FOCAD: variants seen among roughly 807,000 people sequenced by gnomAD.
The protein encoded by FOCAD is KIAA1797.
Under a neutral mutation model 225.6 loss-of-function variants are expected in FOCAD, and 198 were observed. The observed-to-expected ratio is 0.88, with a 90% CI of 0.78 to 0.99. FOCAD has a LOEUF of 0.99. Ranked by LOEUF, FOCAD falls within the 50% of genes least tolerant of loss-of-function variation. FOCAD has a pLI of 0.00. For missense variants in FOCAD, 2,713 were observed against 2,123.6 expected (o/e 1.28, Z -5.46); for synonymous variants, 897 against 755.0 (o/e 1.19, Z -3.08).
intron 5 of FOCAD, among the ~76,000 whole-genome samples, chr9:20,753,065 T>A (rs868524580): frequency 1.1e-4 from 17 of 151,958 alleles, no homozygotes; most frequent in South Asian, 2.1e-4. Context: ...TTGGGCTGAG[T>A]CAATGGGGTT....
chr9:20,922,648 C>G (rs758433679), intron 24 of FOCAD, among the ~76,000 whole-genome samples: 6 of 152,134 alleles, frequency 3.9e-5, no homozygotes, highest in Non-Finnish European at 8.8e-5. Context: ...ATAGTCCTGC[C>G]CTGAGGTAAG....
At chr9:20,946,031 C>T (rs960612938) in intron 29 of FOCAD, among the ~76,000 whole-genome samples, 1 of 152,094 alleles carries the variant, frequency 6.6e-6, no homozygotes, top group East Asian at 1.9e-4. Context: ...GGGACATATT[C>T]CCAAATCTTG....
At chr9:20,696,664 G>T (rs1037646821) in intron 1 of FOCAD, among the ~76,000 whole-genome samples, 11 of 152,158 alleles carry the variant, frequency 7.2e-5, no homozygotes, top group Non-Finnish European at 1.0e-4. Flanking sequence ...AATTAGCTGG[G>T]CATGGTGGCG....
chr9:20,946,716 C>G lies in FOCAD; in HGVS notation c.3571C>G (p.Leu1191Val). 1 of 1,613,244 alleles carries G rather than the reference C, an allele frequency of 6.2e-7. No individual in the cohort carries two copies. The highest frequency in any genetic ancestry group is 8.5e-7 in the Non-Finnish European group (1 of 1,179,490). The change falls in exon 30 of 44, where the codon CTT (leucine) becomes GTT (valine). Residue 1191 changes from leucine (L) to valine (V), a missense_variant. By Grantham distance (32) the Leu-to-Val change is conservative. Transcript: ENST00000338382. ...TTCTTCTCAGGTCCTTGCCTACACA[C>G]TTAGCTGTGTATGTACATCAGCGTT... ...RTFQEVLAYT[L>V]SCVCTSAFSA...
chr9:20,942,908 T>A (rs1057416393), intron 28 of FOCAD, among the ~76,000 whole-genome samples: 1 of 152,224 alleles, frequency 6.6e-6, no homozygotes, highest in Non-Finnish European at 1.5e-5. Context: ...GGGCGAGAGA[T>A]GATGTCTCTG....
chr9:20,729,611 A>G (rs914466946), intron 4 of FOCAD, among the ~76,000 whole-genome samples: 6 of 152,310 alleles, frequency 3.9e-5, no homozygotes, highest in Admixed American at 3.3e-4. Flanking sequence ...TATGTGTGCT[A>G]GGATCACTTA....
At chr9:20,782,658 T>A (rs1819498704) in intron 10 of FOCAD, among the ~76,000 whole-genome samples, 1 of 152,238 alleles carries the variant, frequency 6.6e-6, no homozygotes, top group Non-Finnish European at 1.5e-5. Context: ...CAGCTCCTCT[T>A]ATGGGGATGA....
chr9:20,912,986 G>A, intron 23 of FOCAD, 32 bp downstream of exon 23: 2 of 1,554,068 alleles, frequency 1.3e-6, no homozygotes, highest in Non-Finnish European at 1.8e-6. Context: ...CCCATTATTT[G>A]TCATGGGAAG....
intron 2 of FOCAD, among the ~76,000 whole-genome samples, chr9:20,677,807 T>C (rs1822279836): frequency 6.6e-6 from 1 of 152,164 alleles, no homozygotes; most frequent in Non-Finnish European, 1.5e-5. Flanking sequence ...TAGAACTATA[T>C]CTGATACTGC....
chr9:20,947,781 G>A (rs1266943764), intron 30 of FOCAD, among the ~76,000 whole-genome samples: 1 of 152,078 alleles, frequency 6.6e-6, no homozygotes, highest in Non-Finnish European at 1.5e-5. Context: ...GGTTATTGCA[G>A]AATTCATTGG....
intron 36 of FOCAD, 144 bp downstream of exon 36, chr9:20,976,692 T>TGAAAG: frequency 1.1e-6 from 1 of 882,868 alleles, no homozygotes; most frequent in Non-Finnish European, 1.8e-6. Flanking sequence ...AATGGCTGGG[T>TGAAAG]TACTTTCACT....
chr9:20,736,788 C>T (rs535352703), intron 4 of FOCAD, among the ~76,000 whole-genome samples: 63 of 152,086 alleles, frequency 4.1e-4, no homozygotes, highest in Non-Finnish European at 7.2e-4. Flanking sequence ...ATTATGAAGA[C>T]GAGGATGTTG....
intron 22 of FOCAD, among the ~76,000 whole-genome samples, chr9:20,911,665 GC>G (rs1399260110): frequency 4.6e-5 from 7 of 152,074 alleles, no homozygotes; most frequent in Non-Finnish European, 1.0e-4. Context: ...ATATTTGTTG[GC>G]CACTTTTTAC....
At position 20,720,471 on chromosome 9, in the gene FOCAD, C is replaced by G. The variant is rs772834225; in HGVS notation, c.224C>G (p.Ala75Gly). 6.2e-7 allele frequency: 1 copy of G among 1,614,018 alleles called. No individual in the cohort carries two copies. The highest frequency in any genetic ancestry group is 8.5e-7 in the Non-Finnish European group (1 of 1,179,956). ...TGTGAAGGTCTGGTGGCACTCGTTG[C>G]TCAGGATCATGCAGAGTTCAGCTAT... ...ACCEGLVALV[A>G]QDHAEFSYVL... is the part of the protein sequence containing the mutation. The change falls in exon 4 of 44, where the codon GCT becomes GGT. Residue 75 changes from alanine to glycine, a missense_variant. By Grantham distance (60) the Ala-to-Gly change is moderately conservative. Coordinates refer to ENST00000338382, the MANE Select transcript of FOCAD (RefSeq NM_001375567.1).
chr9:20,712,286 A>G (rs543055058), intron 1 of FOCAD, among the ~76,000 whole-genome samples: 100 of 152,244 alleles, frequency 6.6e-4, no homozygotes, highest in African/African-American at 2.2e-3. Flanking sequence ...TCTTTTTAGT[A>G]AAAAAACGCC....
At chr9:20,737,297 C>T (rs1827225437) in intron 4 of FOCAD, among the ~76,000 whole-genome samples, 1 of 152,116 alleles carries the variant, frequency 6.6e-6, no homozygotes, top group East Asian at 1.9e-4. Context: ...AGGTAGGACA[C>T]CATAAAAACC....
chr9:20,972,650 T>C (rs575889802), intron 35 of FOCAD, among the ~76,000 whole-genome samples: 1 of 152,324 alleles, frequency 6.6e-6, no homozygotes, highest in East Asian at 1.9e-4. Flanking sequence ...CATTTTTCTT[T>C]CTCTGCCTGC....
At position 20,982,352 on chromosome 9, in the gene FOCAD, A is replaced by G. The variant is rs755423218; in HGVS notation, c.4639-5A>G. 8.7e-6 allele frequency: 14 copies of G among 1,602,700 alleles called. No homozygotes were observed. In the South Asian group the frequency reaches 1.5e-4, roughly 17 times the overall value. ...GTTGACATGTTTGGGATTTTTCTTTATCAGAGAAAGGATCTAGAGCTGTAT... is the reference window on the plus strand; with the variant it reads ...GTTGACATGTTTGGGATTTTTCTTTGTCAGAGAAAGGATCTAGAGCTGTAT... On this transcript the variant is annotated splice_polypyrimidine_tract_variant and splice_region_variant and intron_variant, in intron 38 of 43. Coordinates refer to ENST00000338382, the MANE Select transcript of FOCAD (RefSeq NM_001375567.1).
At chr9:20,795,778 T>C (rs7858870) in intron 11 of FOCAD, among the ~76,000 whole-genome samples, 107,394 of 124,752 alleles carry the variant, frequency 0.86, 46,176 homozygotes, top group Admixed American at 0.9. Context: ...AGCAAGACTC[T>C]GTCTCGAAAA....
Sources: gnomAD v4.1 joint callset for allele counts (sites outside exome capture counted in the v4.1 genomes callset) on GRCh38, gnomAD v4.1.1 for gene constraint, MANE v1.5 for transcripts, NCBI Gene and HGNC (gene_info 2026-07-23, HGNC 2026-07-21) for gene names.